Variants in ADD3 observed in about 807,000 individuals in gnomAD.
ADD3 encodes adducin 3.
In ADD3, 25 loss-of-function variants were observed where a neutral mutation model predicts 80.2. That is an observed-to-expected ratio of 0.31 (90% CI 0.23 to 0.44). The LOEUF (loss-of-function observed/expected upper bound fraction) is 0.44, where lower values mean the gene tolerates loss of function less well. ADD3 is among the 20% of genes least tolerant of loss of function. The pLI is 1.00. For synonymous variants in ADD3, 284 were observed against 289.6 expected, an observed-to-expected ratio of 0.98 and a Z score of 0.20; for missense variants, 829 against 847.5, an observed-to-expected ratio of 0.98 and a Z score of 0.27.
intron 1 of ADD3, among the ~76,000 whole-genome samples, chr10:110,031,104 G>T (rs542266769): frequency 8.8e-4 from 134 of 152,310 alleles, no homozygotes; most frequent in Non-Finnish European, 1.7e-3. Flanking sequence ...AGGAAACACT[G>T]TCTCTACTAA....
chr10:110,130,542 C>T, intron 13 of ADD3, 56 bp downstream of exon 13: 1 of 1,576,160 alleles, frequency 6.3e-7, no homozygotes, highest in Non-Finnish European at 8.7e-7. Context: ...CAATAAAGTA[C>T]CTCACGTTGG....
intron 1 of ADD3, among the ~76,000 whole-genome samples, chr10:110,062,919 A>G (rs541702947): frequency 3.1e-3 from 478 of 152,352 alleles, no homozygotes; most frequent in Non-Finnish European, 5.7e-3. Context: ...AAGATTGTGT[A>G]ACCCTGAAAT....
At chr10:110,052,109 T>C (rs770477848) in intron 1 of ADD3, among the ~76,000 whole-genome samples, 10 of 152,174 alleles carry the variant, frequency 6.6e-5, no homozygotes, top group Non-Finnish European at 1.3e-4. Context: ...CAGTTTGGCT[T>C]TTTCTGTACC....
chr10:110,079,659 G>A (rs906966658), intron 1 of ADD3, among the ~76,000 whole-genome samples: 10 of 151,782 alleles, frequency 6.6e-5, no homozygotes, highest in Non-Finnish European at 1.3e-4. Context: ...AGGTTCAAGC[G>A]ATTCTCCTGC....
intron 8 of ADD3, among the ~76,000 whole-genome samples, chr10:110,120,526 A>G (rs1236715969): frequency 2.0e-5 from 3 of 152,160 alleles, no homozygotes; most frequent in South Asian, 4.1e-4. Flanking sequence ...TAATGCCGCA[A>G]TAAACATACG....
chr10:110,053,189 C>G (rs992680076), intron 1 of ADD3, among the ~76,000 whole-genome samples: 6 of 152,054 alleles, frequency 3.9e-5, no homozygotes, highest in African/African-American at 1.4e-4. Context: ...AGTGATCTGT[C>G]TACATTTTCA....
At chr10:110,090,312 C>G (rs762729600) in intron 1 of ADD3, among the ~76,000 whole-genome samples, 35 of 151,532 alleles carry the variant, frequency 2.3e-4, no homozygotes, top group Admixed American at 1.4e-3. Flanking sequence ...CTTCACCTCC[C>G]GGGTTCAAGC....
chr10:110,105,894 A>C (rs1187352364), intron 2 of ADD3: 3 of 152,326 alleles, frequency 2.0e-5, no homozygotes, highest in Non-Finnish European at 4.4e-5. Context: ...ACACAGCTTC[A>C]AGAAAAATAT....
intron 1 of ADD3, among the ~76,000 whole-genome samples, chr10:110,098,340 A>G (rs924987383): frequency 1.3e-5 from 2 of 152,188 alleles, no homozygotes; most frequent in Non-Finnish European, 2.9e-5. Flanking sequence ...TGTTTAGAGT[A>G]TCTGTTTTAT....
Sources: gnomAD v4.1 joint callset for allele counts (sites outside exome capture counted in the v4.1 genomes callset) on GRCh38, gnomAD v4.1.1 for gene constraint, MANE v1.5 for transcripts, NCBI Gene and HGNC (gene_info 2026-07-23, HGNC 2026-07-21) for gene names.